RAD51B: variants seen among roughly 807,000 people sequenced by gnomAD.
RAD51B encodes the protein RAD51 paralog B.
RAD51B carries 38 observed loss-of-function variants against 42.2 expected under a neutral mutation model. That is an observed-to-expected ratio of 0.90 (90% CI 0.70 to 1.18). RAD51B has a LOEUF of 1.18. Ranked by LOEUF, RAD51B falls within the 50% of genes most tolerant of loss-of-function variation. The pLI is 0.00. For synonymous variants in RAD51B, 154 were observed against 145.2 expected (o/e 1.06, Z -0.43); for missense variants, 373 against 400.7 (o/e 0.93, Z 0.59).
chr14:68,463,143 A>T (rs2085886635), intron 9 of RAD51B, among the ~76,000 whole-genome samples: 1 of 152,228 alleles, frequency 6.6e-6, no homozygotes, highest in Non-Finnish European at 1.5e-5. Flanking sequence ...CATCTGAACC[A>T]GCACAGCCTA....
chr14:68,187,877 C>T (rs1566715233), intron 7 of RAD51B, among the ~76,000 whole-genome samples: 2 of 152,120 alleles, frequency 1.3e-5, no homozygotes, highest in Admixed American at 6.5e-5. Context: ...TGCAGTGGCG[C>T]AATCTCGGCT....
chr14:68,244,165 G>A (rs972755434), intron 7 of RAD51B, among the ~76,000 whole-genome samples: 1 of 151,966 alleles, frequency 6.6e-6, no homozygotes, highest in Non-Finnish European at 1.5e-5. Context: ...TTAGTCCAAT[G>A]GCCTACCTAC....
intron 11 of RAD51B, among the ~76,000 whole-genome samples, chr14:68,682,048 A>C (rs1893442626): frequency 6.6e-6 from 1 of 152,124 alleles, no homozygotes; most frequent in African/African-American, 2.4e-5. Flanking sequence ...ACCCCCAAAA[A>C]TATTAACATT....
chr14:67,823,915 T>TA (rs2040720145), intron 2 of RAD51B, among the ~76,000 whole-genome samples: 1 of 152,194 alleles, frequency 6.6e-6, no homozygotes, highest in Non-Finnish European at 1.5e-5. Flanking sequence ...AGGACTCAAA[T>TA]GAGGAGATAC....
At chr14:68,126,241 A>C (rs2077757278) in intron 7 of RAD51B, among the ~76,000 whole-genome samples, 1 of 152,136 alleles carries the variant, frequency 6.6e-6, no homozygotes, top group South Asian at 2.1e-4. Flanking sequence ...TCATAATAGC[A>C]CTTCCCTTAG....
At chr14:68,307,052 T>C (rs1266810906) in intron 8 of RAD51B, among the ~76,000 whole-genome samples, 1 of 151,894 alleles carries the variant, frequency 6.6e-6, no homozygotes, top group East Asian at 1.9e-4. Context: ...GGTCAGTTCA[T>C]GTCTGGGTTT....
intron 7 of RAD51B, among the ~76,000 whole-genome samples, chr14:68,064,741 A>T (rs113020754): frequency 1.3e-5 from 2 of 151,618 alleles, no homozygotes; most frequent in Non-Finnish European, 2.9e-5. Context: ...TTTCTGCTTT[A>T]TCTAATCTGT....
rs115097159 is a variant in RAD51B, at chr14:68,513,738, T to A, written c.1036+45488T>A. On this transcript the variant is annotated intron_variant, in intron 10 of 10. Transcript: ENST00000487270. The stretch of plus-strand genomic sequence containing the variant: ...CACAACCCTCACCTCATCACTTCGC[T>A]GGCTTTTGGAAAAGCTACTGAACCT... Among the ~76,000 whole-genome samples the A allele has an allele frequency of 2.3e-3, 350 of 152,310 alleles. 2 individuals are homozygous for A. The highest frequency in any genetic ancestry group is 8.0e-3 in the African/African-American group (334 of 41,574).
rs956334202 is a variant in RAD51B, at chr14:68,105,652, C to A, written c.757-186232C>A. ...CTTTCAAATTATTGTAAAATCTATA[C>A]CCAGGATAATAATAATTGGAATTTC... On this transcript the variant is annotated intron_variant, in intron 7 of 10. Coordinates refer to ENST00000471583, the MANE Select transcript of RAD51B (RefSeq NM_133510.4). 2.0e-5 allele frequency among the ~76,000 whole-genome samples: 3 copies of A among 151,832 alleles called. No individual in the cohort carries two copies. In the South Asian group the frequency reaches 6.2e-4, roughly 32 times the overall value.
At chr14:68,562,527 C>T in intron 10 of RAD51B, 1 of 985,412 alleles carries the variant, frequency 1.0e-6, no homozygotes, top group South Asian at 4.7e-5. Flanking sequence ...GGAGCCAGCA[C>T]CCACAGCCAT....
chr14:68,156,131 G>A (rs1566688694), intron 7 of RAD51B, among the ~76,000 whole-genome samples: 1 of 152,196 alleles, frequency 6.6e-6, no homozygotes, highest in African/African-American at 2.4e-5. Context: ...TGCTCTGTCA[G>A]AGCAGCACTG....
At chr14:67,980,409 C>G (rs972956790) in intron 7 of RAD51B, among the ~76,000 whole-genome samples, 1 of 152,082 alleles carries the variant, frequency 6.6e-6, no homozygotes, top group African/African-American at 2.4e-5. Context: ...GCGCCATTGC[C>G]CTCCAGCTGG....
chr14:68,482,191 G>GTC (rs1883242936), downstream of RAD51B, among the ~76,000 whole-genome samples: 1 of 151,846 alleles, frequency 6.6e-6, no homozygotes, highest in Non-Finnish European at 1.5e-5. Context: ...GTGTGTGTGT[G>GTC]TGTGTGTATG....
chr14:68,497,172 G>T (rs748570844), intron 10 of RAD51B: 11 of 1,397,212 alleles, frequency 7.9e-6, no homozygotes, highest in Non-Finnish European at 6.7e-6. Context: ...TGTTCATCTT[G>T]CCAAGAAAAA....
At chr14:68,105,431 A>G (rs1414782491) in intron 7 of RAD51B, among the ~76,000 whole-genome samples, 1 of 151,992 alleles carries the variant, frequency 6.6e-6, no homozygotes, top group Non-Finnish European at 1.5e-5. Flanking sequence ...ATACTTGCCT[A>G]TGTATGGAAA....
At chr14:68,165,190 A>C (rs1290613547) in intron 7 of RAD51B, among the ~76,000 whole-genome samples, 2 of 152,182 alleles carry the variant, frequency 1.3e-5, no homozygotes, top group Admixed American at 1.3e-4. Context: ...CAGGGACTTA[A>C]GTATATTTCT....
intron 7 of RAD51B, among the ~76,000 whole-genome samples, chr14:67,892,164 T>C (rs1271833628): frequency 2.6e-5 from 4 of 152,218 alleles, no homozygotes; most frequent in Admixed American, 2.0e-4. Context: ...CATAAATGCT[T>C]ACTGTTGGCT....
chr14:68,506,749 C>T (rs965236418), intron 10 of RAD51B, among the ~76,000 whole-genome samples: 2 of 151,794 alleles, frequency 1.3e-5, no homozygotes, highest in African/African-American at 4.8e-5. Flanking sequence ...GCTGTGTGCC[C>T]GTGTATGTAT....
At chr14:68,368,046 G>C (rs2083178739) in intron 8 of RAD51B, among the ~76,000 whole-genome samples, 1 of 152,150 alleles carries the variant, frequency 6.6e-6, no homozygotes, top group Admixed American at 6.5e-5. Context: ...GCAGAATTCT[G>C]CTGTTTATGT....
Sources: gnomAD v4.1 joint callset for allele counts (sites outside exome capture counted in the v4.1 genomes callset) on GRCh38, gnomAD v4.1.1 for gene constraint, MANE v1.5 for transcripts, NCBI Gene and HGNC (gene_info 2026-07-23, HGNC 2026-07-21) for gene names.